ATP13A2: variants seen among roughly 807,000 people sequenced by gnomAD.
ATP13A2 encodes polyamine-transporting ATPase 13A2.
Under a neutral mutation model 138.3 loss-of-function variants are expected in ATP13A2, and 83 were observed. The observed-to-expected ratio is 0.60, with a 90% CI of 0.50 to 0.72. ATP13A2 has a LOEUF of 0.72. Among genes scored for constraint, ATP13A2 ranks in the 30% least tolerant of loss-of-function variants. The pLI, the probability that ATP13A2 is intolerant of heterozygous loss-of-function variation, is 0.00. For missense variants in ATP13A2, 1,402 were observed against 1,606.4 expected (o/e 0.87, Z 2.17); for synonymous variants, 663 against 699.0 (o/e 0.95, Z 0.81).
chr1:17,010,750 C>T (rs1245260921), intron 1 of ATP13A2, among the ~76,000 whole-genome samples: 4 of 152,180 alleles, frequency 2.6e-5, no homozygotes, highest in African/African-American at 9.7e-5. Flanking sequence ...GAGGTCACAG[C>T]TCGGGGCAGT....
chr1:17,000,768 C>A, intron 8 of ATP13A2: 1 of 553,586 alleles, frequency 1.8e-6, no homozygotes, highest in Non-Finnish European at 3.2e-6. Context: ...ATGGCGAAAC[C>A]CCATATCTAC....
At position 16,987,059 on chromosome 1, in the gene ATP13A2, G is replaced by A; in HGVS notation, c.3070C>T (p.Leu1024=). The change falls in exon 26 of 29, where the codon CTG becomes TTG. Residue 1024 remains leucine (L), a synonymous_variant. Transcript: ENST00000326735. ...CTCCCTACTCACCATGGCTGGGCCA[G>A]GGTCAGGAAGTAGCCCCCTAGCTGC... ...GVQLGGYFLT[L]AQPWFVPLNR... The A allele has an allele frequency of 6.2e-7, 1 of 1,613,458 alleles. No individual in the cohort carries two copies. Among genetic ancestry groups the A allele is most frequent in the Non-Finnish European group, 8.5e-7 (1 of 1,179,962 alleles).
At chr1:16,996,649 C>T (rs973353229) in intron 12 of ATP13A2, 153 bp from the exon 13 acceptor site, 16 of 674,252 alleles carry the variant, frequency 2.4e-5, no homozygotes, top group African/African-American at 1.3e-4. Flanking sequence ...AGGTCTGGCC[C>T]GGCTCTTGTA....
chr1:16,997,862 G>C (rs2077200155), intron 11 of ATP13A2, among the ~76,000 whole-genome samples: 2 of 144,896 alleles, frequency 1.4e-5, no homozygotes, highest in Non-Finnish European at 1.5e-5. Context: ...GGAGGGGAGG[G>C]GATGGGGTAA....
chr1:16,986,781 T>A lies in ATP13A2; in HGVS notation c.3235+24A>T. On this transcript the variant is annotated intron_variant, in intron 27 of 28. Transcript: ENST00000326735. This position sits in a 1 kb window ranked among gnomAD's most constrained non-coding sequence, Gnocchi z 6.9. ...GCTCCTCCCTCCCTCCGCCAGCATC[T>A]CCCGCCCGCGCCCGCAGTGGCACCA... The A allele has an allele frequency of 6.2e-7, 1 of 1,607,296 alleles. No homozygotes were observed. The highest frequency in any genetic ancestry group is 8.5e-7 in the Non-Finnish European group (1 of 1,177,924).
In ATP13A2 at chr1:16,997,006, C is replaced by CTT. The variant is rs2077152063; in HGVS notation, c.1195+13_1195+14insAA. 6.2e-7 allele frequency: 1 copy of CTT among 1,610,398 alleles called. No homozygotes were observed. The highest frequency in any genetic ancestry group is 8.5e-7 in the Non-Finnish European group (1 of 1,179,422). Reference sequence around the variant, plus strand: ...GCCCGGGATCTCTCTCAAGCCCAGCCTCCCGGCTCATACCTGTGCGGGTCA... The same window carrying CTT: ...GCCCGGGATCTCTCTCAAGCCCAGCCTTTCCCGGCTCATACCTGTGCGGGTCA... On this transcript the variant is annotated intron_variant, in intron 12 of 28. Transcript: ENST00000326735.
At position 16,993,761 on chromosome 1, in the gene ATP13A2, C is replaced by A. The variant is rs61739752; in HGVS notation, c.1617G>T (p.Leu539=). ...VPLKGQAFLP[L]VPEPRRLPVG... is the part of the protein sequence containing the mutation. ...CAGGCAGGCGGCGAGGCTCTGGGAC[C>A]AGGGGCAGGAATGCCTGCCCCTTCA... Residue 539 remains leucine, a synonymous_variant, in exon 16 of 29, where the codon CTG becomes CTT. Coordinates refer to ENST00000326735, the MANE Select transcript of ATP13A2 (RefSeq NM_022089.4). The A allele has an allele frequency of 2.3e-3, 3,688 of 1,590,462 alleles. 50 individuals carry two copies. The African/African-American group carries it at 0.038, about 16-fold the overall frequency.
At chr1:17,009,300 CTGAA>C (rs1223748428) in intron 1 of ATP13A2, among the ~76,000 whole-genome samples, 2 of 151,670 alleles carry the variant, frequency 1.3e-5, no homozygotes, top group African/African-American at 4.8e-5. Flanking sequence ...GACCGACTGA[CTGAA>C]TGAATGAATG....
chr1:17,004,390 G>A lies in ATP13A2; in HGVS notation c.499C>T (p.Leu167Phe). ...VGQKRVLRYY[L>F]FQGQRYIWIE... Reference sequence around the variant, plus strand: ...CAGATATAGCGCTGGCCCTGGAAGAGGTAATACCGCAGCACCCGCTTCTGG... The same window carrying A: ...CAGATATAGCGCTGGCCCTGGAAGAAGTAATACCGCAGCACCCGCTTCTGG... The change falls in exon 6 of 29, where the codon CTC (leucine) becomes TTC (phenylalanine). Residue 167 changes from leucine (L) to phenylalanine (F), a missense_variant. By Grantham distance (22) the Leu-to-Phe change is conservative. Transcript: ENST00000326735. This position sits in a 1 kb window ranked among gnomAD's most constrained non-coding sequence, Gnocchi z 4.1. 6.2e-7 allele frequency: 1 copy of A among 1,614,072 alleles called. No homozygotes were observed. Among genetic ancestry groups the A allele is most frequent in the Non-Finnish European group, 8.5e-7 (1 of 1,180,012 alleles).
intron 16 of ATP13A2, 105 bp downstream of exon 16, chr1:16,993,524 G>T: frequency 9.0e-7 from 1 of 1,108,114 alleles, no homozygotes; most frequent in Non-Finnish European, 1.3e-6. Flanking sequence ...TATTAATGGT[G>T]GGCATAATAA....
chr1:17,003,514 G>A (rs1209698710), intron 6 of ATP13A2, among the ~76,000 whole-genome samples: 5 of 151,102 alleles, frequency 3.3e-5, no homozygotes, highest in South Asian at 2.1e-4. Context: ...CCGAGAATGC[G>A]GCATTGCACT....
intron 8 of ATP13A2, among the ~76,000 whole-genome samples, chr1:17,001,169 G>T (rs2077340073): frequency 1.3e-5 from 2 of 151,388 alleles, no homozygotes; most frequent in Admixed American, 1.3e-4. Context: ...TATAATCCCA[G>T]CACTTTGCAA....
In ATP13A2 at chr1:17,000,293, T is replaced by G. The variant is rs1553170206; in HGVS notation, c.860A>C (p.Asp287Ala). Residue 287 changes from aspartate to alanine, a missense_variant, in exon 10 of 29, where the codon GAC becomes GCC. Transcript: ENST00000326735. ...KTRKQSQTLR[D>A]MVKLSMRVCV... ...CACCCGCATGGACAACTTGACCATG[T>G]CCCTTAGAGTCTGGCTTTGCTGTGG... 5 of 1,579,270 alleles carry G rather than the reference T, an allele frequency of 3.2e-6. No homozygotes were observed. The highest frequency in any genetic ancestry group is 4.3e-6 in the Non-Finnish European group (5 of 1,162,476).
At chr1:16,987,483 TGACCTTGGG>T (rs1201060025) in intron 25 of ATP13A2, among the ~76,000 whole-genome samples, 1 of 152,230 alleles carries the variant, frequency 6.6e-6, no homozygotes, top group Non-Finnish European at 1.5e-5. Flanking sequence ...GCACCTGTGC[TGACCTTGGG>T]GGCCTAAATC....
chr1:17,008,061 T>C (rs2077629236), intron 1 of ATP13A2, among the ~76,000 whole-genome samples: 2 of 151,640 alleles, frequency 1.3e-5, no homozygotes, highest in African/African-American at 4.9e-5. Flanking sequence ...TTCATTCATT[T>C]ATTTACTTAT....
chr1:17,007,550 C>CTT (rs67484789), intron 1 of ATP13A2, among the ~76,000 whole-genome samples: 7 of 80,774 alleles, frequency 8.7e-5, no homozygotes, highest in South Asian at 4.7e-4. Context: ...AAAATTTTTC[C>CTT]TTTTTTTTTT....
intron 23 of ATP13A2, 124 bp downstream of exon 23, chr1:16,989,567 G>A: frequency 1.1e-6 from 1 of 909,068 alleles, no homozygotes; most frequent in Non-Finnish European, 1.8e-6. Context: ...TTTTGGTGAG[G>A]AGGGGTGACA....
At position 17,004,361 on chromosome 1, in the gene ATP13A2, G is replaced by A. The variant is rs371992028; in HGVS notation, c.528C>T (p.Ile176=). ...YLFQGQRYIW[I]ETQQAFYQVS... ...CCTGGTAGAAGGCTTGCTGGGTCTC[G>A]ATCCAGATATAGCGCTGGCCCTGGA... Residue 176 remains isoleucine, a synonymous_variant, in exon 6 of 29, where the codon ATC becomes ATT. Coordinates refer to ENST00000326735, the MANE Select transcript of ATP13A2 (RefSeq NM_022089.4). This position sits in a 1 kb window ranked among gnomAD's most constrained non-coding sequence, Gnocchi z 4.1. 3.4e-5 allele frequency: 55 copies of A among 1,613,986 alleles called. No individual in the cohort carries two copies. The highest frequency in any genetic ancestry group is 1.7e-4 in the Middle Eastern group (1 of 6,058).
intron 1 of ATP13A2, among the ~76,000 whole-genome samples, chr1:17,006,845 A>G (rs1189482360): frequency 6.6e-6 from 1 of 152,076 alleles, no homozygotes; most frequent in Non-Finnish European, 1.5e-5. Context: ...ATCTTTACAG[A>G]TGGGTAAACT....
Sources: gnomAD v4.1 joint callset for allele counts (sites outside exome capture counted in the v4.1 genomes callset) on GRCh38, gnomAD v4.1.1 for gene constraint, Gnocchi (gnomAD v3.1) non-coding constraint, MANE v1.5 for transcripts, NCBI Gene and HGNC (gene_info 2026-07-23, HGNC 2026-07-21) for gene names.